The following NIPBL variants were observed in gnomAD, a reference collection of about 807,000 sequenced individuals.
The protein encoded by NIPBL is nipped-B-like protein.
NIPBL carries 19 observed loss-of-function variants against 321.8 expected under a neutral mutation model. That is an observed-to-expected ratio of 0.06 (90% confidence interval 0.04 to 0.09). The LOEUF is 0.09. NIPBL is among the 10% of genes least tolerant of loss of function. The pLI is 1.00. For synonymous variants in NIPBL, 1,106 were observed against 1,114.1 expected (o/e 0.99, Z 0.14); for missense variants, 2,210 against 3,327.0 (o/e 0.66, Z 8.26).
At chr5:36,900,911 GAATT>G (rs1747155680) in intron 1 of NIPBL, among the ~76,000 whole-genome samples, 1 of 152,092 alleles carries the variant, frequency 6.6e-6, no homozygotes, top group Non-Finnish European at 1.5e-5. Flanking sequence ...CTTTTAGGCA[GAATT>G]AATTGTTCCC....
chr5:36,877,043 TC>T lies in NIPBL; in HGVS notation c.-209del. 5 of 340,382 alleles carry T rather than the reference TC, an allele frequency of 1.5e-5. No homozygotes were observed. Among genetic ancestry groups the T allele is most frequent in the East Asian group, 4.5e-5 (1 of 22,148 alleles). The allele number at this position is 340,382 out of a possible 1,614,324, so 21.1% of individuals were successfully genotyped here. Reference sequence around the variant, plus strand: ...CAACGATTTGTCTTCTCGGCTGGTCTCCCCCCGGCTCTACATGTTCCCCGCA... The same window carrying T: ...CAACGATTTGTCTTCTCGGCTGGTCTCCCCCGGCTCTACATGTTCCCCGCA... On this transcript the variant is annotated 5_prime_UTR_variant, in exon 1 of 47. It removes the in-frame stop codon of an upstream open reading frame in the 5' UTR. Transcript: ENST00000282516.
chr5:36,940,811 T>A (rs886368079), intron 1 of NIPBL, among the ~76,000 whole-genome samples: 1 of 152,192 alleles, frequency 6.6e-6, no homozygotes. Flanking sequence ...ATTAAATGAA[T>A]TAAAATATAT....
chr5:36,935,073 C>T lies in NIPBL; in HGVS notation c.-79-18545C>T, dbSNP rs573667369. ...TGCATACAAATACCTTCAGTTCCTT[C>T]GCTCCTCTCTGTTTTGGCAAAACCA... is the stretch of plus-strand genomic sequence containing the variant. On this transcript the variant is annotated intron_variant, in intron 1 of 46. Transcript: ENST00000282516. 5.9e-5 allele frequency among the ~76,000 whole-genome samples: 9 copies of T among 152,220 alleles called. No individual in the cohort carries two copies. In the South Asian group the frequency reaches 1.0e-3, roughly 18 times the overall value.
chr5:36,886,233 G>C (rs1745897377), intron 1 of NIPBL: 2 of 661,682 alleles, frequency 3.0e-6, no homozygotes, highest in Admixed American at 4.1e-5. Flanking sequence ...GAATCCTGCT[G>C]CACCTGGAGT....
chr5:36,935,305 C>T (rs1750074081), intron 1 of NIPBL, among the ~76,000 whole-genome samples: 1 of 152,108 alleles, frequency 6.6e-6, no homozygotes, highest in Non-Finnish European at 1.5e-5. Context: ...TTCATCAAGG[C>T]AATCAGAAAA....
chr5:36,963,899 A>G (rs1741911501), intron 6 of NIPBL, among the ~76,000 whole-genome samples: 1 of 152,204 alleles, frequency 6.6e-6, no homozygotes. Flanking sequence ...ATTATACTCA[A>G]GTACACAAAA....
chr5:36,877,951 T>C (rs1374296822), intron 1 of NIPBL, among the ~76,000 whole-genome samples: 3 of 152,176 alleles, frequency 2.0e-5, no homozygotes, highest in African/African-American at 7.2e-5. Flanking sequence ...CAAAGACAAG[T>C]ATAAAGTACT....
chr5:37,056,779 T>C (rs1754133733), intron 42 of NIPBL, among the ~76,000 whole-genome samples: 1 of 152,194 alleles, frequency 6.6e-6, no homozygotes. Flanking sequence ...CTTTCTGATA[T>C]GGTATGGATT....
At chr5:37,001,289 A>G (rs1746770621) in intron 14 of NIPBL, among the ~76,000 whole-genome samples, 1 of 152,110 alleles carries the variant, frequency 6.6e-6, no homozygotes, top group African/African-American at 2.4e-5. Context: ...TAAATACACA[A>G]ATACTTAAGG....
Position 36,891,918 on chromosome 5 carries a change from T to A in NIPBL, c.-80+14740T>A, listed in dbSNP as rs538403497. On this transcript the variant is annotated intron_variant, in intron 1 of 46. Coordinates refer to ENST00000282516, the MANE Select transcript of NIPBL (RefSeq NM_133433.4). The stretch of plus-strand genomic sequence containing the variant: ...TGTAGGTAGATTGGGTAAGAGAGAA[T>A]GAAAACAGTCAAGGATATATCCTTG... 2.6e-5 allele frequency among the ~76,000 whole-genome samples: 4 copies of A among 152,198 alleles called. No homozygotes were observed. The South Asian group carries it at 6.2e-4, about 24-fold the overall frequency.
intron 2 of NIPBL, 58 bp from the exon 3 acceptor site, chr5:36,955,414 C>T: frequency 7.4e-7 from 1 of 1,347,212 alleles, no homozygotes; most frequent in South Asian, 1.2e-5. Flanking sequence ...TACAGATAAG[C>T]ACTAAAGAGA....
chr5:37,048,380 G>A (rs1037294060), intron 38 of NIPBL, 122 bp from the exon 39 acceptor site: 16 of 490,814 alleles, frequency 3.3e-5, no homozygotes, highest in Non-Finnish European at 4.5e-5. Context: ...TATTCTTCCA[G>A]TCATTTTAAG....
At position 37,007,975 on chromosome 5, in the gene NIPBL, G is replaced by A. The variant is rs552791667; in HGVS notation, c.4240-33G>A. 2.5e-6 allele frequency: 3 copies of A among 1,181,676 alleles called. No individual in the cohort carries two copies. The African/African-American group carries it at 4.5e-5, about 18-fold the overall frequency. 73.2% of individuals were successfully genotyped at this position (1,181,676 alleles called of 1,614,324 possible). On this transcript the variant is annotated intron_variant, in intron 18 of 46. Coordinates refer to ENST00000282516, the MANE Select transcript of NIPBL (RefSeq NM_133433.4). ...TAGAATGTTACTGAAATCAACTAAA[G>A]GTGTATACTACTTACTCTTCTTTTT...
chr5:36,985,920 A>G lies in NIPBL; in HGVS notation c.2740A>G (p.Thr914Ala). 6.2e-7 allele frequency: 1 copy of G among 1,613,980 alleles called. No individual in the cohort carries two copies. Among genetic ancestry groups the G allele is most frequent in the Non-Finnish European group, 8.5e-7 (1 of 1,179,970 alleles). ...TGATAAACTTGGTTTTAAATCACCA[A>G]CTAGTAAAGATGACAAAAGGACAGA... ...RSDKLGFKSPTSKDDKRTEGN... is the reference protein window; with the variant it reads ...RSDKLGFKSPASKDDKRTEGN... Residue 914 changes from threonine to alanine, a missense_variant, in exon 10 of 47, where the codon ACT becomes GCT. Physicochemically the swap from Thr to Ala is moderately conservative, Grantham distance 58. Transcript: ENST00000282516.
chr5:36,963,616 A>G (rs553914605), intron 6 of NIPBL, among the ~76,000 whole-genome samples: 63 of 151,808 alleles, frequency 4.1e-4, no homozygotes, highest in Non-Finnish European at 7.9e-4. Flanking sequence ...AGCCTGCGCA[A>G]CATAGTGGGA....
intron 1 of NIPBL, among the ~76,000 whole-genome samples, chr5:36,913,687 T>A (rs1479482431): frequency 2.0e-5 from 3 of 152,198 alleles, no homozygotes; most frequent in Non-Finnish European, 4.4e-5. Flanking sequence ...TTTCTTAATA[T>A]ATTTTTGCAT....
rs769926933 is a variant in NIPBL at position 37,021,454 on chromosome 5, G to A, written c.5328+577G>A. Among the ~76,000 whole-genome samples, 33 of 152,104 alleles carry A rather than the reference G, an allele frequency of 2.2e-4. 1 individual carries two copies. Among genetic ancestry groups the A allele is most frequent in the Admixed American group, 3.9e-4 (6 of 15,282 alleles). ...TCCCAGCACTTTGGGAAGCCAAGGC[G>A]GGCAGATTACGAGGTCAGGAGATCA... On this transcript the variant is annotated intron_variant, in intron 27 of 46. Coordinates refer to ENST00000282516, the MANE Select transcript of NIPBL (RefSeq NM_133433.4).
chr5:36,922,981 A>G (rs1454302643), intron 1 of NIPBL, among the ~76,000 whole-genome samples: 1 of 150,466 alleles, frequency 6.6e-6, no homozygotes, highest in Non-Finnish European at 1.5e-5. Flanking sequence ...ATTTGTTGTA[A>G]CTAAACCAAT....
intron 30 of NIPBL, among the ~76,000 whole-genome samples, chr5:37,025,152 T>C (rs1302864291): frequency 6.6e-6 from 1 of 152,134 alleles, no homozygotes; most frequent in Admixed American, 6.5e-5. Flanking sequence ...ACTCTAGAGA[T>C]TGACACAGGA....
Sources: gnomAD v4.1 joint callset for allele counts (sites outside exome capture counted in the v4.1 genomes callset) on GRCh38, gnomAD v4.1.1 for gene constraint, MANE v1.5 for transcripts, NCBI Gene and HGNC (gene_info 2026-07-23, HGNC 2026-07-21) for gene names.